Variants in SGCZ observed in about 807,000 individuals in gnomAD.
SGCZ encodes sarcoglycan zeta, also known as zeta-sarcoglycan.
SGCZ carries 40 observed loss-of-function variants against 41.3 expected under a neutral mutation model. That is an observed-to-expected ratio of 0.97 (90% CI 0.75 to 1.26). The LOEUF (loss-of-function observed/expected upper bound fraction) is 1.26. Among genes scored for constraint, SGCZ ranks in the 50% most tolerant of loss-of-function variants. The pLI, the probability that SGCZ is intolerant of heterozygous loss-of-function variation, is 0.00. For missense variants in SGCZ, 552 were observed against 369.8 expected (o/e 1.49, Z -4.04); for synonymous variants, 206 against 137.5 (o/e 1.50, Z -3.49).
At position 15,120,419 on chromosome 8, in the gene SGCZ, G is replaced by T. The variant is rs554442226; in HGVS notation, c.39+117166C>A. ...TAGCTCAGCTTGGGGCTACATTTTC[G>T]TCACTATTTCAACTAGATTTATTGG... is the stretch of plus-strand genomic sequence containing the variant. On this transcript the variant is annotated intron_variant, in intron 1 of 7. Coordinates refer to ENST00000382080, the MANE Select transcript of SGCZ (RefSeq NM_139167.4). Among the ~76,000 whole-genome samples, 163 of 151,972 alleles carry T rather than the reference G, an allele frequency of 1.1e-3. 1 individual carries two copies. The South Asian group carries it at 0.017, about 16-fold the overall frequency.
chr8:14,465,901 T>G (rs531729020), intron 2 of SGCZ, among the ~76,000 whole-genome samples: 11 of 151,982 alleles, frequency 7.2e-5, no homozygotes, highest in African/African-American at 2.6e-4. Context: ...AAAATGTAAG[T>G]TACAACACTA....
intron 1 of SGCZ, among the ~76,000 whole-genome samples, chr8:14,624,555 A>ATTATTATTAT (rs1438250019): frequency 5.2e-5 from 5 of 96,246 alleles, no homozygotes; most frequent in East Asian, 7.7e-4. Flanking sequence ...TATTATTATT[A>ATTATTATTAT]TTTTTTTTTT....
In SGCZ at chr8:14,086,794, T is replaced by C. The variant is rs1408267792; in HGVS notation, c.*3649A>G. Among the ~76,000 whole-genome samples, 1 of 151,686 alleles carries C rather than the reference T, an allele frequency of 6.6e-6. No individual in the cohort carries two copies. The highest frequency in any genetic ancestry group is 2.4e-5 in the African/African-American group (1 of 41,376). ...GCCAAAAAGGTTTGTATTTCAACTT[T>C]TATAAGCAGCTTTTTAAGGTGCAGA... is the stretch of plus-strand genomic sequence containing the variant. On this transcript the variant is annotated 3_prime_UTR_variant, in exon 8 of 8. Transcript: ENST00000382080.
chr8:14,561,015 A>T (rs1028472453), intron 1 of SGCZ, among the ~76,000 whole-genome samples: 1 of 152,162 alleles, frequency 6.6e-6, no homozygotes, highest in Non-Finnish European at 1.5e-5. Context: ...TGCAGTAAGA[A>T]AAGGTTAGAC....
intron 1 of SGCZ, among the ~76,000 whole-genome samples, chr8:14,789,931 T>C (rs1800894794): frequency 6.6e-6 from 1 of 152,178 alleles, no homozygotes; most frequent in South Asian, 2.1e-4. Flanking sequence ...TGTTTTCAAT[T>C]TTTCTCCCAT....
At chr8:14,237,770 AAATTT>A (rs1806822376) in intron 3 of SGCZ, 91 bp from the exon 4 acceptor site, 1 of 1,232,356 alleles carries the variant, frequency 8.1e-7, no homozygotes, top group South Asian at 1.3e-5. Context: ...ATATTCTGAA[AAATTT>A]AATTTGTTTG....
chr8:14,629,155 G>A (rs1048031458), intron 1 of SGCZ, among the ~76,000 whole-genome samples: 4 of 152,054 alleles, frequency 2.6e-5, no homozygotes, highest in African/African-American at 9.7e-5. Flanking sequence ...AGTCATACCT[G>A]AAGTCCATCT....
At chr8:14,655,189 C>G (rs951762003) in intron 1 of SGCZ, among the ~76,000 whole-genome samples, 1 of 152,056 alleles carries the variant, frequency 6.6e-6, no homozygotes, top group Non-Finnish European at 1.5e-5. Flanking sequence ...TGGGTATGAA[C>G]TGTAAGTTAT....
chr8:14,470,667 G>A (rs1801189327), intron 2 of SGCZ, among the ~76,000 whole-genome samples: 1 of 152,124 alleles, frequency 6.6e-6, no homozygotes, highest in Admixed American at 6.6e-5. Context: ...GACGGTTGGA[G>A]ATAATCAGTA....
At chr8:14,734,809 T>C (rs772634755) in intron 1 of SGCZ, among the ~76,000 whole-genome samples, 4 of 150,924 alleles carry the variant, frequency 2.7e-5, no homozygotes, top group Non-Finnish European at 5.9e-5. Flanking sequence ...TCCTTCACTG[T>C]TACAATAAAA....
In SGCZ at chr8:14,391,392, G is replaced by A. The variant is rs549393894; in HGVS notation, c.235-67188C>T. ...ATTCATGCATAAAGATAAAGTCATT[G>A]TTAAGACTTTGGTCTATGTTGTATA... is the stretch of plus-strand genomic sequence containing the variant. On this transcript the variant is annotated intron_variant, in intron 2 of 7. Transcript: ENST00000382080. Among the ~76,000 whole-genome samples the A allele has an allele frequency of 4.6e-5, 7 of 152,140 alleles. No individual in the cohort carries two copies. In the South Asian group the frequency reaches 8.3e-4, roughly 18 times the overall value.
chr8:14,865,708 C>T lies in SGCZ; in HGVS notation c.40-310782G>A, dbSNP rs183370406. Among the ~76,000 whole-genome samples the T allele has an allele frequency of 4.1e-3, 630 of 152,194 alleles. 4 individuals are homozygous for T. The highest frequency in any genetic ancestry group is 0.018 in the South Asian group (87 of 4,828). On this transcript the variant is annotated intron_variant, in intron 1 of 7. Transcript: ENST00000382080. ...AATACTTAATCTAAGAAGTTAAAAA[C>T]GGAAACAGGATAAACTTCTAAAAGG...
intron 1 of SGCZ, among the ~76,000 whole-genome samples, chr8:15,229,738 C>T (rs575053963): frequency 1.4e-3 from 206 of 152,160 alleles, no homozygotes; most frequent in Non-Finnish European, 2.6e-3. Context: ...ATGATAACAG[C>T]GTTTTCCCAT....
intron 1 of SGCZ, among the ~76,000 whole-genome samples, chr8:14,835,420 C>G (rs1416290077): frequency 1.3e-5 from 2 of 151,286 alleles, no homozygotes; most frequent in Admixed American, 1.3e-4. Context: ...ATTATATTCC[C>G]AATCTACACG....
intron 1 of SGCZ, chr8:14,690,316 T>C (rs1384535710): frequency 1.3e-5 from 2 of 152,120 alleles, no homozygotes; most frequent in African/African-American, 4.8e-5. Context: ...TGACTCTTAC[T>C]GATGGCTTCC....
Position 15,237,768 on chromosome 8 carries a change from C to A in SGCZ, c.-145G>T. On this transcript the variant is annotated 5_prime_UTR_variant, in exon 1 of 8. Coordinates refer to ENST00000382080, the MANE Select transcript of SGCZ (RefSeq NM_139167.4). ...AGTCTCATTCTCCGTGGTCACGCCG[C>A]CTCCACCGGGTTAAAAATAAGGAAA... The A allele has an allele frequency of 1.5e-6, 1 of 682,610 alleles. No homozygotes were observed. Among genetic ancestry groups the A allele is most frequent in the Non-Finnish European group, 2.6e-6 (1 of 391,510 alleles). 42.3% of individuals were successfully genotyped at this position (682,610 alleles called of 1,614,324 possible).
At chr8:15,170,540 C>A (rs1799797437) in intron 1 of SGCZ, among the ~76,000 whole-genome samples, 1 of 152,188 alleles carries the variant, frequency 6.6e-6, no homozygotes, top group African/African-American at 2.4e-5. Flanking sequence ...AAAGTGCTTT[C>A]TTCTTCAACA....
intron 1 of SGCZ, among the ~76,000 whole-genome samples, chr8:14,680,330 AC>A (rs1269303514): frequency 6.6e-6 from 1 of 152,130 alleles, no homozygotes; most frequent in Non-Finnish European, 1.5e-5. Flanking sequence ...CCAAAAGGGA[AC>A]CCTAATGTAA....
chr8:14,708,812 AGTGTGTGTGT>A (rs61049816), intron 1 of SGCZ, among the ~76,000 whole-genome samples: 3 of 148,584 alleles, frequency 2.0e-5, no homozygotes, highest in East Asian at 2.0e-4. Context: ...GTTTTATTCG[AGTGTGTGTGT>A]GTGTGTGTGT....
Sources: allele counts gnomAD v4.1 joint callset (sites outside exome capture counted in the v4.1 genomes callset), GRCh38; gene constraint gnomAD v4.1.1; transcripts MANE v1.5; gene names NCBI Gene and HGNC (gene_info 2026-07-23, HGNC 2026-07-21).